The following C3orf70 variants were observed in gnomAD, a reference collection of about 807,000 sequenced individuals.
C3orf70 encodes the protein chromosome 3 open reading frame 70.
C3orf70 carries 15 observed loss-of-function variants against 20.7 expected under a neutral mutation model. The ratio of observed to expected loss-of-function variants is 0.72; its 90% CI spans 0.48 to 1.11. The LOEUF (loss-of-function observed/expected upper bound fraction) is 1.11. Ranked by LOEUF, C3orf70 falls within the 50% of genes most tolerant of loss-of-function variation. The pLI, the probability that C3orf70 is intolerant of heterozygous loss-of-function variation, is 0.00. For synonymous variants in C3orf70, 161 were observed against 125.7 expected (o/e 1.28, Z -1.88); for missense variants, 332 against 317.6 (o/e 1.05, Z -0.34).
chr3:185,152,542 C>A, intron 1 of C3orf70, 86 bp downstream of exon 1: 1 of 1,251,586 alleles, frequency 8.0e-7, no homozygotes, highest in Non-Finnish European at 1.1e-6. Context: ...AGCCCCGCGG[C>A]CGCAGAGTTC....
chr3:185,080,558 C>G lies in C3orf70; in HGVS notation c.*2449G>C, dbSNP rs542674169. 115 of 152,846 alleles carry G rather than the reference C, an allele frequency of 7.5e-4. No homozygotes were observed. The highest frequency in any genetic ancestry group is 2.7e-3 in the African/African-American group (114 of 41,580). The allele number at this position is 152,846 out of a possible 1,614,324, so 9.5% of individuals were successfully genotyped here. ...CCCCTTTATACGCCCATCTGGAGAA[C>G]GGGCTCACCCACAGGGTGAATCTAG... On this transcript the variant is annotated 3_prime_UTR_variant, in exon 2 of 2. Transcript: ENST00000335012.
rs1715576259 is a variant in C3orf70 at position 185,091,852 on chromosome 3, A to G, written c.197-8289T>C. 1.5e-5 allele frequency among the ~76,000 whole-genome samples: 2 copies of G among 133,280 alleles called. 1 individual carries two copies. The highest frequency in any genetic ancestry group is 5.0e-4 in the South Asian group (2 of 4,034). The allele number at this position is 133,280 out of a possible 152,430, so 87.4% of individuals were successfully genotyped here. On this transcript the variant is annotated intron_variant, in intron 1 of 1. Coordinates refer to ENST00000335012, the MANE Select transcript of C3orf70 (RefSeq NM_001025266.3). ...GGCACTTGCCACCACACCCAGCTAT[A>G]TATGTATTATATTATATATATATAT...
At position 185,089,924 on chromosome 3, in the gene C3orf70, G is replaced by A. The variant is rs191507262; in HGVS notation, c.197-6361C>T. 3.3e-5 allele frequency among the ~76,000 whole-genome samples: 5 copies of A among 152,158 alleles called. No individual in the cohort carries two copies. In the East Asian group the frequency reaches 7.7e-4, roughly 23 times the overall value. ...ATGATGTTTTCCTTCTTTGCTGTTT[G>A]GCAATAATATGCCTTTTCACAATGC... On this transcript the variant is annotated intron_variant, in intron 1 of 1. Transcript: ENST00000335012.
chr3:185,092,562 G>A (rs370322963), intron 1 of C3orf70, among the ~76,000 whole-genome samples: 28 of 152,296 alleles, frequency 1.8e-4, no homozygotes, highest in Middle Eastern at 3.4e-3. Context: ...AGGCAAAACA[G>A]ACAACCCTGT....
chr3:185,113,372 T>C (rs768503493), intron 1 of C3orf70, among the ~76,000 whole-genome samples: 5 of 152,002 alleles, frequency 3.3e-5, no homozygotes, highest in South Asian at 2.1e-4. Context: ...CTTTTCTGGA[T>C]AGAATTCTAA....
chr3:185,110,740 T>C (rs181794964), intron 1 of C3orf70, among the ~76,000 whole-genome samples: 4 of 152,374 alleles, frequency 2.6e-5, no homozygotes, highest in Admixed American at 2.6e-4. Context: ...CCACAAACAA[T>C]AGCATGAGCG....
In C3orf70 at chr3:185,102,854, T is replaced by C. The variant is rs117115171; in HGVS notation, c.197-19291A>G. Reference sequence around the variant, plus strand: ...ATGCTTAGATAACTGGCTACCCATATGCAGAAGACTGAATAAACCCCTTCT... The same window carrying C: ...ATGCTTAGATAACTGGCTACCCATACGCAGAAGACTGAATAAACCCCTTCT... On this transcript the variant is annotated intron_variant, in intron 1 of 1. Transcript: ENST00000335012. Among the ~76,000 whole-genome samples, 664 of 152,366 alleles carry C rather than the reference T, an allele frequency of 4.4e-3. 7 individuals carry two copies. The East Asian group carries it at 0.045, about 10-fold the overall frequency.
At chr3:185,121,927 A>G (rs780201949) in intron 1 of C3orf70, among the ~76,000 whole-genome samples, 10 of 152,064 alleles carry the variant, frequency 6.6e-5, no homozygotes, top group Non-Finnish European at 1.3e-4. Context: ...GTGAAACCCC[A>G]TCTCTACTAA....
Position 185,128,208 on chromosome 3 carries a change from T to C in C3orf70, c.196+24420A>G, listed in dbSNP as rs556321530. Among the ~76,000 whole-genome samples, 37 of 152,280 alleles carry C rather than the reference T, an allele frequency of 2.4e-4. No homozygotes were observed. In the East Asian group the frequency reaches 5.2e-3, roughly 21 times the overall value. On this transcript the variant is annotated intron_variant, in intron 1 of 1. Transcript: ENST00000335012. Reference sequence around the variant, plus strand: ...GCCCTGAAGACTTTAGTGAGTGCTTTTGTAACATAACAAAACCACCAGGTA... The same window carrying C: ...GCCCTGAAGACTTTAGTGAGTGCTTCTGTAACATAACAAAACCACCAGGTA...
At chr3:185,139,673 A>G (rs1716711698) in intron 1 of C3orf70, among the ~76,000 whole-genome samples, 2 of 152,158 alleles carry the variant, frequency 1.3e-5, no homozygotes, top group South Asian at 4.1e-4. Flanking sequence ...TAGAAAACCC[A>G]GAAATAGACC....
intron 1 of C3orf70, among the ~76,000 whole-genome samples, chr3:185,092,819 C>T (rs1005855023): frequency 2.0e-5 from 3 of 151,970 alleles, no homozygotes; most frequent in East Asian, 1.9e-4. Flanking sequence ...GGTGAAACCC[C>T]GTCTGTGCTA....
At chr3:185,086,500 A>G (rs139470759) in intron 1 of C3orf70, among the ~76,000 whole-genome samples, 23 of 152,328 alleles carry the variant, frequency 1.5e-4, no homozygotes, top group African/African-American at 5.3e-4. Context: ...TTTCTCCTCT[A>G]TGTGAGGGTA....
chr3:185,141,128 T>G (rs1716742417), intron 1 of C3orf70, among the ~76,000 whole-genome samples: 1 of 152,108 alleles, frequency 6.6e-6, no homozygotes, highest in Non-Finnish European at 1.5e-5. Context: ...TCTTCCAGCT[T>G]CTAGAACTGC....
intron 1 of C3orf70, among the ~76,000 whole-genome samples, chr3:185,146,662 G>C (rs969108765): frequency 1.5e-4 from 23 of 152,134 alleles, no homozygotes; most frequent in African/African-American, 5.3e-4. Context: ...TGTTGTTGTT[G>C]CTAGTTTTCA....
At position 185,103,424 on chromosome 3, in the gene C3orf70, A is replaced by G. The variant is rs117510019; in HGVS notation, c.197-19861T>C. Among the ~76,000 whole-genome samples the G allele has an allele frequency of 8.5e-5, 13 of 152,316 alleles. No homozygotes were observed. In the East Asian group the frequency reaches 2.5e-3, roughly 29 times the overall value. ...ACGGAGTAAACAGACCACATACAGC[A>G]TGGGAGAAGATTTTTGCAAACTATA... is the stretch of plus-strand genomic sequence containing the variant. On this transcript the variant is annotated intron_variant, in intron 1 of 1. Transcript: ENST00000335012.
At chr3:185,094,074 GTTTTTTTT>G (rs71162282) in intron 1 of C3orf70, among the ~76,000 whole-genome samples, 4 of 80,644 alleles carry the variant, frequency 5.0e-5, no homozygotes, top group African/African-American at 2.0e-4. Flanking sequence ...ATACCCTGGG[GTTTTTTTT>G]TTTTTTTTTT....
At chr3:185,085,938 GCTGGTAGTTA>G (rs1715450252) in intron 1 of C3orf70, among the ~76,000 whole-genome samples, 1 of 152,154 alleles carries the variant, frequency 6.6e-6, no homozygotes, top group Admixed American at 6.5e-5. Context: ...TTCATTCTTG[GCTGGTAGTTA>G]CTGAGCTCAG....
intron 1 of C3orf70, among the ~76,000 whole-genome samples, chr3:185,137,187 C>T (rs1262345308): frequency 1.3e-5 from 2 of 152,164 alleles, no homozygotes; most frequent in Non-Finnish European, 2.9e-5. Context: ...TGCACAAGCG[C>T]TCCTCTCGTT....
intron 1 of C3orf70, 25 bp downstream of exon 1, chr3:185,152,603 G>C: frequency 6.5e-7 from 1 of 1,529,742 alleles, no homozygotes; most frequent in South Asian, 1.2e-5. Context: ...CGCGGCGGAA[G>C]GCGGGAAGAC....
Sources: gnomAD v4.1 joint callset for allele counts (sites outside exome capture counted in the v4.1 genomes callset) on GRCh38, gnomAD v4.1.1 for gene constraint, MANE v1.5 for transcripts, NCBI Gene and HGNC (gene_info 2026-07-23, HGNC 2026-07-21) for gene names.